The following DLG2 variants were observed in gnomAD, a reference collection of about 807,000 sequenced individuals.
The protein encoded by DLG2 is disks large homolog 2.
DLG2 carries 45 observed loss-of-function variants against 132.5 expected under a neutral mutation model. The ratio of observed to expected loss-of-function variants is 0.34; its 90% CI spans 0.27 to 0.44. The LOEUF (loss-of-function observed/expected upper bound fraction) is 0.44, where lower values mean the gene tolerates loss of function less well. DLG2 is among the 20% of genes least tolerant of loss of function. DLG2 has a pLI of 1.00. For missense variants in DLG2, 1,045 were observed against 1,196.9 expected, an observed-to-expected ratio of 0.87 and a Z score of 1.87; for synonymous variants, 424 against 419.6, an observed-to-expected ratio of 1.01 and a Z score of -0.13.
chr11:85,193,102 G>A (rs1396024790), intron 4 of DLG2, among the ~76,000 whole-genome samples: 1 of 151,976 alleles, frequency 6.6e-6, no homozygotes, highest in African/African-American at 2.4e-5. Flanking sequence ...CTTCCTCCAG[G>A]CCCTGGCAGC....
intron 6 of DLG2, among the ~76,000 whole-genome samples, chr11:84,866,231 G>C (rs186265245): frequency 1.3e-5 from 2 of 152,240 alleles, no homozygotes; most frequent in East Asian, 3.9e-4. Context: ...TCAAAGCCAA[G>C]GTGATTTGCT....
rs147450446 is a variant in DLG2 at position 84,374,588 on chromosome 11, G to A, written c.520-123297C>T. Among the ~76,000 whole-genome samples the A allele has an allele frequency of 8.2e-3, 1,243 of 152,118 alleles. 2 individuals carry two copies. Among genetic ancestry groups the A allele is most frequent in the Non-Finnish European group, 0.013 (856 of 67,984 alleles). ...GTGGCCCAGGGAGACCAAAAGATTGGACACCCTTGTTCTAAAGAATACCTG... is the reference window on the plus strand; with the variant it reads ...GTGGCCCAGGGAGACCAAAAGATTGAACACCCTTGTTCTAAAGAATACCTG... On this transcript the variant is annotated intron_variant, in intron 7 of 27. Coordinates refer to ENST00000376104, the MANE Select transcript of DLG2 (RefSeq NM_001142699.3).
intron 3 of DLG2, among the ~76,000 whole-genome samples, chr11:85,583,130 G>GTGTGTGTGTATATA (rs1555190569): frequency 1.5e-4 from 2 of 13,606 alleles, no homozygotes; most frequent in Admixed American, 9.5e-4. Context: ...GTGTGTGTGT[G>GTGTGTGTGTATATA]TATATATATA....
intron 9 of DLG2, among the ~76,000 whole-genome samples, chr11:84,122,485 A>G (rs1282332452): frequency 6.6e-6 from 1 of 152,004 alleles, no homozygotes; most frequent in Non-Finnish European, 1.5e-5. Context: ...TTTGCTCCTA[A>G]ATTTTGCATG....
chr11:83,705,684 A>C lies in DLG2; in HGVS notation c.1826-72359T>G, dbSNP rs150797918. Among the ~76,000 whole-genome samples the C allele has an allele frequency of 5.3e-4, 80 of 152,322 alleles. No individual in the cohort carries two copies. The East Asian group carries it at 0.013, about 25-fold the overall frequency. On this transcript the variant is annotated intron_variant, in intron 18 of 27. Coordinates refer to ENST00000376104, the MANE Select transcript of DLG2 (RefSeq NM_001142699.3). ...AATATAATCCTATATCAATTAAATA[A>C]AGTAGAAACGTTTACAGTTTCTACT...
intron 15 of DLG2, among the ~76,000 whole-genome samples, chr11:83,929,042 A>G (rs751825677): frequency 2.6e-5 from 4 of 151,766 alleles, no homozygotes; most frequent in Admixed American, 6.6e-5. Flanking sequence ...TTTATAAAGT[A>G]TTCTGAAATA....
intron 7 of DLG2, among the ~76,000 whole-genome samples, chr11:84,532,657 G>C (rs764752023): frequency 1.3e-4 from 20 of 152,020 alleles, no homozygotes; most frequent in Non-Finnish European, 2.2e-4. Flanking sequence ...CACCTCGCTT[G>C]GCTAATTTGT....
chr11:85,332,696 C>A (rs767362666), intron 3 of DLG2, among the ~76,000 whole-genome samples: 10 of 152,098 alleles, frequency 6.6e-5, no homozygotes, highest in Admixed American at 1.3e-4. Flanking sequence ...ATACCAGAAC[C>A]ATTTATTGAA....
chr11:85,063,762 A>C (rs1033416267), intron 6 of DLG2, among the ~76,000 whole-genome samples: 7 of 151,836 alleles, frequency 4.6e-5, no homozygotes, highest in Non-Finnish European at 8.8e-5. Flanking sequence ...ATAAATCTAT[A>C]AAAAGTCATT....
At position 85,205,146 on chromosome 11, in the gene DLG2, G is replaced by GTATA. The variant is rs376041155; in HGVS notation, c.187-50499_187-50496dup. Among the ~76,000 whole-genome samples the GTATA allele has an allele frequency of 7.8e-4, 110 of 141,692 alleles. 3 individuals are homozygous for GTATA. In the East Asian group the frequency reaches 0.013, roughly 16 times the overall value. 93.0% of individuals were successfully genotyped at this position (141,692 alleles called of 152,430 possible). A position where few individuals can be genotyped will look rare whatever the true frequency, so the allele number is the denominator to read the frequency against. On this transcript the variant is annotated intron_variant, in intron 4 of 27. Transcript: ENST00000376104. ...ATATATAATTCATATATATGTGTGTGTATATATATATATATATAGATATAT... is the reference window on the plus strand; with the variant it reads ...ATATATAATTCATATATATGTGTGTGTATATATATATATATATATATAGATATAT...
At chr11:84,666,460 GTATATATC>G (rs1421811859) in intron 6 of DLG2, among the ~76,000 whole-genome samples, 1 of 151,846 alleles carries the variant, frequency 6.6e-6, no homozygotes, top group Non-Finnish European at 1.5e-5. Context: ...ATCTCTTTAT[GTATATATC>G]TATATATGTA....
intron 6 of DLG2, among the ~76,000 whole-genome samples, chr11:85,106,213 T>C (rs908750512): frequency 1.3e-5 from 2 of 151,916 alleles, no homozygotes; most frequent in Non-Finnish European, 2.9e-5. Context: ...TTTCATATTC[T>C]AGAGAGACAT....
chr11:85,463,378 T>A (rs1018582692), intron 3 of DLG2, among the ~76,000 whole-genome samples: 1 of 152,158 alleles, frequency 6.6e-6, no homozygotes, highest in Non-Finnish European at 1.5e-5. Context: ...AAAATGTCTA[T>A]GAAAACAGAA....
upstream of DLG2, among the ~76,000 whole-genome samples, chr11:85,628,206 C>A (rs1239349384): frequency 1.3e-5 from 2 of 152,176 alleles, no homozygotes; most frequent in Non-Finnish European, 2.9e-5. Flanking sequence ...CAGGCCAGGG[C>A]AAAGGGGCGA....
intron 18 of DLG2, chr11:83,725,128 G>A (rs1385073443): frequency 5.8e-6 from 3 of 512,946 alleles, no homozygotes; most frequent in Admixed American, 3.1e-5. Flanking sequence ...CGTTTTAAAC[G>A]CTGTAACAAA....
intron 7 of DLG2, among the ~76,000 whole-genome samples, chr11:84,363,643 G>C (rs11233994): frequency 6.6e-6 from 1 of 151,572 alleles, no homozygotes; most frequent in Admixed American, 6.6e-5. Flanking sequence ...TATGGTTTTA[G>C]GTCTAACGTT....
At chr11:85,594,986 A>AT (rs2079632182) in intron 3 of DLG2, among the ~76,000 whole-genome samples, 1 of 151,294 alleles carries the variant, frequency 6.6e-6, no homozygotes, top group African/African-American at 2.4e-5. Flanking sequence ...GAATCGCTTG[A>AT]ACCAGGAGGC....
chr11:83,986,129 T>C (rs944068721), intron 11 of DLG2, among the ~76,000 whole-genome samples: 27 of 151,982 alleles, frequency 1.8e-4, no homozygotes, highest in Non-Finnish European at 1.5e-5. Context: ...TACATATGTA[T>C]ACATGTGCCA....
In DLG2 at chr11:84,161,025, G is replaced by A. The variant is rs1449045793; in HGVS notation, c.624+2436C>T. Among the ~76,000 whole-genome samples the A allele has an allele frequency of 2.0e-5, 3 of 152,182 alleles. No individual in the cohort carries two copies. The East Asian group carries it at 5.8e-4, about 29-fold the overall frequency. On this transcript the variant is annotated intron_variant, in intron 9 of 27. Coordinates refer to ENST00000376104, the MANE Select transcript of DLG2 (RefSeq NM_001142699.3). Reference sequence around the variant, plus strand: ...TTTTCTAAAGAAGTGTATAAGAATTGCTAGAAAGTCTTGAGAGTTCACTTA... The same window carrying A: ...TTTTCTAAAGAAGTGTATAAGAATTACTAGAAAGTCTTGAGAGTTCACTTA...
Sources: allele counts gnomAD v4.1 joint callset (sites outside exome capture counted in the v4.1 genomes callset), GRCh38; gene constraint gnomAD v4.1.1; transcripts MANE v1.5; gene names NCBI Gene and HGNC (gene_info 2026-07-23, HGNC 2026-07-21).